RMDN2: variants seen among roughly 807,000 people sequenced by gnomAD.
RMDN2 encodes the protein regulator of microtubule dynamics protein 2.
A neutral mutation model predicts 52.8 loss-of-function variants in RMDN2; 61 were observed. The ratio of observed to expected loss-of-function variants is 1.16; its 90% CI spans 0.94 to 1.43. The LOEUF is 1.43. RMDN2 is among the 40% of genes most tolerant of loss of function. The probability of loss-of-function intolerance (pLI) is 0.00; values close to 1 mark genes in which losing one functional copy is unlikely to be tolerated. For synonymous variants in RMDN2, 180 were observed against 153.1 expected (o/e 1.18, Z -1.30); for missense variants, 592 against 475.3 (o/e 1.25, Z -2.28).
chr2:38,016,242 C>T (rs904669411), intron 10 of RMDN2, among the ~76,000 whole-genome samples: 15 of 152,186 alleles, frequency 9.9e-5, no homozygotes, highest in Non-Finnish European at 1.9e-4. Flanking sequence ...AAGGCTCTAA[C>T]AGCCTGTTAT....
At chr2:38,055,993 C>T (rs150675830) in intron 10 of RMDN2, among the ~76,000 whole-genome samples, 31 of 152,276 alleles carry the variant, frequency 2.0e-4, no homozygotes, top group Admixed American at 7.8e-4. Flanking sequence ...CACTCCCTCA[C>T]CCTGACACAC....
intron 2 of RMDN2, among the ~76,000 whole-genome samples, chr2:37,961,133 T>C (rs1183528003): frequency 6.6e-6 from 1 of 152,168 alleles, no homozygotes; most frequent in Non-Finnish European, 1.5e-5. Context: ...TTTTTGTTTG[T>C]TTCAAGCTTG....
chr2:38,004,648 C>G lies in RMDN2; in HGVS notation c.1179+432C>G, dbSNP rs997865412. 2.6e-5 allele frequency among the ~76,000 whole-genome samples: 4 copies of G among 152,246 alleles called. No homozygotes were observed. The East Asian group carries it at 7.7e-4, about 29-fold the overall frequency. ...CCCATTTCTCCCACTCTTCCAGCCC[C>G]TGACAGCCACCCTTCTACTCTCTCC... On this transcript the variant is annotated intron_variant, in intron 10 of 10. Transcript: ENST00000354545.
chr2:38,002,048 G>A (rs1349726191), intron 8 of RMDN2, among the ~76,000 whole-genome samples: 1 of 152,148 alleles, frequency 6.6e-6, no homozygotes. Flanking sequence ...TTTATACCGA[G>A]TCTGGCTCCC....
intron 10 of RMDN2, among the ~76,000 whole-genome samples, chr2:38,065,110 G>C (rs1289935397): frequency 6.6e-6 from 1 of 152,156 alleles, no homozygotes; most frequent in Non-Finnish European, 1.5e-5. Flanking sequence ...ATTCCCAAGA[G>C]AGTGGATAGA....
chr2:37,960,882 C>G (rs566743139), intron 2 of RMDN2, among the ~76,000 whole-genome samples: 21 of 152,298 alleles, frequency 1.4e-4, no homozygotes, highest in African/African-American at 4.6e-4. Flanking sequence ...TAAGGCAGGC[C>G]TGGTGGTTAC....
At chr2:38,050,348 A>T (rs1681514103) in intron 10 of RMDN2, among the ~76,000 whole-genome samples, 1 of 144,932 alleles carries the variant, frequency 6.9e-6, no homozygotes, top group Non-Finnish European at 1.5e-5. Context: ...ATCCCCTATT[A>T]AAAAAAAAAA....
At chr2:37,933,132 C>T (rs907822276) in intron 2 of RMDN2, among the ~76,000 whole-genome samples, 3 of 151,698 alleles carry the variant, frequency 2.0e-5, no homozygotes, top group African/African-American at 2.4e-5. Context: ...ACATCCCGGA[C>T]GGGGCAGCAG....
At chr2:37,996,710 T>C (rs1171688831) in intron 7 of RMDN2, among the ~76,000 whole-genome samples, 1 of 152,170 alleles carries the variant, frequency 6.6e-6, no homozygotes, top group Non-Finnish European at 1.5e-5. Context: ...TCAATACCCT[T>C]TTAAGTGTTC....
At chr2:38,015,487 C>A (rs745606496) in intron 10 of RMDN2, among the ~76,000 whole-genome samples, 3 of 151,946 alleles carry the variant, frequency 2.0e-5, no homozygotes, top group African/African-American at 7.3e-5. Flanking sequence ...ATCACTTGAA[C>A]CCGGAAGGCG....
At chr2:38,012,834 A>G (rs912316950) in intron 10 of RMDN2, among the ~76,000 whole-genome samples, 5 of 152,244 alleles carry the variant, frequency 3.3e-5, no homozygotes, top group African/African-American at 1.2e-4. Flanking sequence ...AGGACAACCT[A>G]GCCATCAGTT....
chr2:37,975,343 G>A (rs374788967), intron 4 of RMDN2, 29 bp downstream of exon 4: 9 of 1,281,066 alleles, frequency 7.0e-6, no homozygotes, highest in Middle Eastern at 1.9e-4. Flanking sequence ...TTATTCTCAA[G>A]TAGCAATTAA....
intron 2 of RMDN2, among the ~76,000 whole-genome samples, chr2:37,970,574 T>G (rs1304075480): frequency 2.6e-5 from 4 of 152,198 alleles, no homozygotes; most frequent in Non-Finnish European, 4.4e-5. Flanking sequence ...CATTCCATCT[T>G]TAGTAATTCT....
chr2:37,986,941 C>A (rs1489247244), intron 5 of RMDN2, among the ~76,000 whole-genome samples: 2 of 152,044 alleles, frequency 1.3e-5, no homozygotes, highest in Non-Finnish European at 2.9e-5. Context: ...TTCCCTCTTA[C>A]CACTGCTTTT....
chr2:37,990,893 G>A (rs1558519638), intron 6 of RMDN2, among the ~76,000 whole-genome samples: 1 of 152,014 alleles, frequency 6.6e-6, no homozygotes. Context: ...TTTGATATTT[G>A]TAAGCTCACC....
At chr2:38,018,141 G>C (rs181429629), downstream of RMDN2, among the ~76,000 whole-genome samples, 1 of 152,190 alleles carries the variant, frequency 6.6e-6, no homozygotes, top group Admixed American at 6.5e-5. Context: ...CCACCTGGAC[G>C]TATAATGCAG....
At chr2:37,966,686 T>G (rs1260610893) in intron 2 of RMDN2, among the ~76,000 whole-genome samples, 1 of 152,196 alleles carries the variant, frequency 6.6e-6, no homozygotes, top group African/African-American at 2.4e-5. Context: ...TTTGTTTTTT[T>G]GCCTGTTTGA....
intron 2 of RMDN2, among the ~76,000 whole-genome samples, chr2:37,936,874 C>G (rs976310521): frequency 1.3e-5 from 2 of 152,192 alleles, no homozygotes; most frequent in African/African-American, 2.4e-5. Flanking sequence ...CTTTCTTTTG[C>G]TGTGCAGGAG....
At chr2:37,952,138 A>T in intron 2 of RMDN2, 5 of 1,613,318 alleles carry the variant, frequency 3.1e-6, no homozygotes, top group Non-Finnish European at 4.2e-6. Context: ...TTTGAAGATG[A>T]AGACTTTGCT....
Sources: allele counts gnomAD v4.1 joint callset (sites outside exome capture counted in the v4.1 genomes callset), GRCh38; gene constraint gnomAD v4.1.1; transcripts MANE v1.5; gene names NCBI Gene and HGNC (gene_info 2026-07-23, HGNC 2026-07-21).